ALDH3A2: variants seen among roughly 807,000 people sequenced by gnomAD.
ALDH3A2 encodes aldehyde dehydrogenase 3 family member A2, also known as aldehyde dehydrogenase family 3 member A2.
In ALDH3A2, 36 loss-of-function variants were observed where a neutral mutation model predicts 51.3. The ratio of observed to expected loss-of-function variants is 0.70; its 90% CI spans 0.54 to 0.93. The LOEUF (loss-of-function observed/expected upper bound fraction) is 0.93, where lower values mean the gene tolerates loss of function less well. ALDH3A2 is among the 40% of genes least tolerant of loss of function. The pLI, the probability that ALDH3A2 is intolerant of heterozygous loss-of-function variation, is 0.00. For missense variants in ALDH3A2, 552 were observed against 603.1 expected (o/e 0.92, Z 0.89); for synonymous variants, 199 against 219.8 (o/e 0.91, Z 0.84).
intron 6 of ALDH3A2, chr17:19,661,569 G>T (rs1194331118): frequency 3.0e-6 from 1 of 336,746 alleles, no homozygotes; most frequent in East Asian, 6.6e-5. Flanking sequence ...TCTGTAGTTT[G>T]TGGATGGGAA....
rs987639886 is a variant in ALDH3A2, at chr17:19,654,226, G to A, written c.471+1594G>A. Among the ~76,000 whole-genome samples the A allele has an allele frequency of 5.9e-5, 9 of 152,248 alleles. No individual in the cohort carries two copies. Among genetic ancestry groups the A allele is most frequent in the Non-Finnish European group, 8.8e-5 (6 of 68,038 alleles). ...ATAAAAGTTCTCTAAGTCCCCACCC[G>A]ACTCAGGAGCCCAGCTGGCTTTGCC... is the stretch of plus-strand genomic sequence containing the variant. On this transcript the variant is annotated intron_variant, in intron 3 of 9. Coordinates refer to ENST00000176643, the MANE Select transcript of ALDH3A2 (RefSeq NM_000382.3). This position sits in a 1 kb window ranked among gnomAD's most constrained non-coding sequence, Gnocchi z 4.5.
Position 19,651,721 on chromosome 17 carries a change from G to A in ALDH3A2, c.328G>A (p.Ala110Thr), listed in dbSNP as rs144287421. ...QPLGVVLIIG[A>T]WNYPFVLTIQ... ...TCTGGGAGTGGTGCTGATAATCGGA[G>A]CTTGGAATTACCCCTTCGTTCTCAC... is the stretch of plus-strand genomic sequence containing the variant. The change falls in exon 2 of 10, where the codon GCT becomes ACT. Residue 110 changes from alanine (A) to threonine (T), a missense_variant. Physicochemically the swap from Ala to Thr is moderately conservative, Grantham distance 58 (BLOSUM62 0). Coordinates refer to ENST00000176643, the MANE Select transcript of ALDH3A2 (RefSeq NM_000382.3). 2.6e-5 allele frequency: 42 copies of A among 1,614,086 alleles called. No homozygotes were observed. The highest frequency in any genetic ancestry group is 1.6e-4 in the Middle Eastern group (1 of 6,084).
chr17:19,673,320 T>A, intron 9 of ALDH3A2: 11 of 1,605,154 alleles, frequency 6.9e-6, no homozygotes, highest in Non-Finnish European at 8.5e-6. Flanking sequence ...TGGGCCAAGT[T>A]GGGGTATGTT....
intron 5 of ALDH3A2, among the ~76,000 whole-genome samples, chr17:19,658,492 A>AG (rs1032052253): frequency 8.4e-4 from 127 of 151,792 alleles, no homozygotes; most frequent in African/African-American, 2.9e-3. Context: ...TGGGGGGCCT[A>AG]GGGGGGCAGA....
rs1355353761 is a variant in ALDH3A2, at chr17:19,663,348, C to T, written c.956C>T (p.Thr319Ile). 3 of 1,613,958 alleles carry T rather than the reference C, an allele frequency of 1.9e-6. No individual in the cohort carries two copies. Among genetic ancestry groups the T allele is most frequent in the Non-Finnish European group, 1.7e-6 (2 of 1,179,994 alleles). Residue 319 changes from threonine to isoleucine, a missense_variant, in exon 7 of 10, where the codon ACC becomes ATC. By Grantham distance (89) the Thr-to-Ile change is moderately conservative. Coordinates refer to ENST00000176643, the MANE Select transcript of ALDH3A2 (RefSeq NM_000382.3). The part of the protein sequence containing the change: ...ATRYIAPTVL[T>I]DVDPKTKVMQ... ...TTCTTTTTAGCCCCAACAGTACTTA[C>T]CGATGTTGATCCTAAAACCAAGGTG... is the stretch of plus-strand genomic sequence containing the variant.
chr17:19,654,553 G>A lies in ALDH3A2; in HGVS notation c.472-1813G>A, dbSNP rs529047496. On this transcript the variant is annotated intron_variant, in intron 3 of 9. Coordinates refer to ENST00000176643, the MANE Select transcript of ALDH3A2 (RefSeq NM_000382.3). This position sits in a 1 kb window ranked among gnomAD's most constrained non-coding sequence, Gnocchi z 4.5. ...CCCGGGGCACCCTCCTCAGCAGCTG[G>A]CCCAGGTGCTAAGCCCCTCATTGCC... 6.6e-6 allele frequency among the ~76,000 whole-genome samples: 1 copy of A among 152,306 alleles called. No individual in the cohort carries two copies. Among genetic ancestry groups the A allele is most frequent in the South Asian group, 2.1e-4 (1 of 4,832 alleles).
chr17:19,663,368 A>G lies in ALDH3A2; in HGVS notation c.976A>G (p.Lys326Glu). ...TVLTDVDPKTKVMQEEIFGPI... is the reference protein window; with the variant it reads ...TVLTDVDPKTEVMQEEIFGPI... ...ACTTACCGATGTTGATCCTAAAACC[A>G]AGGTGATGCAAGAAGAAATTTTTGG... The change falls in exon 7 of 10, where the codon AAG becomes GAG. Residue 326 changes from lysine (K) to glutamate (E), a missense_variant. Lys to Glu is a moderately conservative substitution (Grantham distance 56). Transcript: ENST00000176643. The G allele has an allele frequency of 8.1e-6, 13 of 1,614,182 alleles. No homozygotes were observed. The highest frequency in any genetic ancestry group is 1.1e-5 in the Non-Finnish European group (13 of 1,180,034).
At chr17:19,674,054 A>T (rs940691906) in intron 9 of ALDH3A2, 1 of 152,174 alleles carries the variant, frequency 6.6e-6, no homozygotes, top group Non-Finnish European at 1.5e-5. Flanking sequence ...ATGTTTTTTA[A>T]ATCACTAAGT....
Position 19,651,663 on chromosome 17 carries a change from C to T in ALDH3A2, c.270C>T (p.Thr90=). ...AACCAGTTAAGAAGAACGTGCTCAC[C>T]ATGCTGGATGAGGCCTATATTCAGC... ...TAKPVKKNVL[T]MLDEAYIQPQ... The change falls in exon 2 of 10, where the codon ACC becomes ACT. Residue 90 remains threonine (T), a synonymous_variant. Coordinates refer to ENST00000176643, the MANE Select transcript of ALDH3A2 (RefSeq NM_000382.3). 6.2e-7 allele frequency: 1 copy of T among 1,614,162 alleles called. No individual in the cohort carries two copies. The highest frequency in any genetic ancestry group is 1.1e-5 in the South Asian group (1 of 91,082).
Position 19,654,113 on chromosome 17 carries a change from C to G in ALDH3A2, c.471+1481C>G, listed in dbSNP as rs1294153146. Among the ~76,000 whole-genome samples, 2 of 152,224 alleles carry G rather than the reference C, an allele frequency of 1.3e-5. No homozygotes were observed. The highest frequency in any genetic ancestry group is 2.9e-5 in the Non-Finnish European group (2 of 68,032). On this transcript the variant is annotated intron_variant, in intron 3 of 9. Coordinates refer to ENST00000176643, the MANE Select transcript of ALDH3A2 (RefSeq NM_000382.3). The surrounding 1 kb of genome is among the most constrained non-coding windows in gnomAD (Gnocchi z 4.5). The stretch of plus-strand genomic sequence containing the variant: ...GTTCTCCAAATCCCCACCAGATTAG[C>G]TAGATACAGAGTGCTGATTGGTGCA...
chr17:19,668,827 G>T (rs2085073748), intron 8 of ALDH3A2, among the ~76,000 whole-genome samples: 1 of 132,390 alleles, frequency 7.6e-6, no homozygotes, highest in Non-Finnish European at 1.6e-5. Context: ...GGAGGCGGAG[G>T]TTGCAGTGAG....
At chr17:19,650,475 G>A (rs2084800485) in intron 1 of ALDH3A2, among the ~76,000 whole-genome samples, 1 of 151,308 alleles carries the variant, frequency 6.6e-6, no homozygotes, top group African/African-American at 2.4e-5. Flanking sequence ...TTTTCTTGAG[G>A]CGGAGTCTCG....
rs894123013 is a variant in ALDH3A2 at position 19,654,189 on chromosome 17, C to T, written c.471+1557C>T. On this transcript the variant is annotated intron_variant, in intron 3 of 9. Transcript: ENST00000176643. The surrounding 1 kb of genome is among the most constrained non-coding windows in gnomAD (Gnocchi z 4.5). The stretch of plus-strand genomic sequence containing the variant: ...AGTGCTGATTGGTGCATATACAATC[C>T]TCCGGCTAGACATAAAAGTTCTCTA... Among the ~76,000 whole-genome samples the T allele has an allele frequency of 2.6e-5, 4 of 152,266 alleles. No homozygotes were observed. The highest frequency in any genetic ancestry group is 1.3e-4 in the Admixed American group (2 of 15,290).
At chr17:19,673,071 G>A in intron 9 of ALDH3A2, 1 of 1,585,752 alleles carries the variant, frequency 6.3e-7, no homozygotes, top group Non-Finnish European at 8.7e-7. Flanking sequence ...TTTGAAAGGG[G>A]TTTGGCTCAT....
chr17:19,675,921 C>A lies in ALDH3A2; in HGVS notation c.*349C>A, dbSNP rs1232084028. The A allele has an allele frequency of 8.6e-6, 3 of 348,310 alleles. No individual in the cohort carries two copies. The highest frequency in any genetic ancestry group is 6.4e-5 in the African/African-American group (3 of 47,214). 21.6% of individuals were successfully genotyped at this position (348,310 alleles called of 1,614,324 possible). The stretch of plus-strand genomic sequence containing the variant: ...CTTCACTCCAGTTAATGGCACTGCT[C>A]ACTTCCTGCCTCTGCTGCCACCATC... On this transcript the variant is annotated 3_prime_UTR_variant, in exon 10 of 10. Coordinates refer to ENST00000176643, the MANE Select transcript of ALDH3A2 (RefSeq NM_000382.3).
At position 19,661,137 on chromosome 17, in the gene ALDH3A2, G is replaced by A. The variant is rs371157031; in HGVS notation, c.809G>A (p.Gly270Glu). The A allele has an allele frequency of 4.4e-5, 71 of 1,610,384 alleles. No homozygotes were observed. The highest frequency in any genetic ancestry group is 4.8e-5 in the Non-Finnish European group (57 of 1,176,826). The change falls in exon 6 of 10, where the codon GGA becomes GAA. Residue 270 changes from glycine (G) to glutamate (E), a missense_variant. Gly to Glu is a moderately conservative substitution (Grantham distance 98). Coordinates refer to ENST00000176643, the MANE Select transcript of ALDH3A2 (RefSeq NM_000382.3). Reference sequence around the variant, plus strand: ...TGTTGTTTTAAATAGGAATTTTATGGAGAAAATATAAAAGAGTCTCCTGAT... The same window carrying A: ...TGTTGTTTTAAATAGGAATTTTATGAAGAAAATATAAAAGAGTCTCCTGAT... Reference protein sequence around the residue: ...KIKETVKEFYGENIKESPDYE... With the variant: ...KIKETVKEFYEENIKESPDYE...
rs982903693 is a variant in ALDH3A2 at position 19,654,298 on chromosome 17, A to G, written c.471+1666A>G. On this transcript the variant is annotated intron_variant, in intron 3 of 9. Coordinates refer to ENST00000176643, the MANE Select transcript of ALDH3A2 (RefSeq NM_000382.3). The surrounding 1 kb of genome is among the most constrained non-coding windows in gnomAD (Gnocchi z 4.5). ...TGTGGGTGGAGCTGCCCATCAGTCC[A>G]GCGCTGCGCGCCTGCACCCCTCAGC... Among the ~76,000 whole-genome samples, 4 of 152,252 alleles carry G rather than the reference A, an allele frequency of 2.6e-5. No individual in the cohort carries two copies. The highest frequency in any genetic ancestry group is 5.9e-5 in the Non-Finnish European group (4 of 68,038).
rs1460206471 is a variant in ALDH3A2 at position 19,651,599 on chromosome 17, A to G, written c.206A>G (p.Asp69Gly). 7 of 1,614,204 alleles carry G rather than the reference A, an allele frequency of 4.3e-6. No homozygotes were observed. Among genetic ancestry groups the G allele is most frequent in the Non-Finnish European group, 5.1e-6 (6 of 1,180,032 alleles). ...GTCATTACTGTCCTTGGGGAAATTGATTTTATGCTTGAGAATCTTCCTGAA... is the reference window on the plus strand; with the variant it reads ...GTCATTACTGTCCTTGGGGAAATTGGTTTTATGCTTGAGAATCTTCCTGAA... ...QEVITVLGEI[D>G]FMLENLPEWV... Residue 69 changes from aspartate (D) to glycine (G), a missense_variant, in exon 2 of 10, where the codon GAT (aspartate) becomes GGT (glycine). Coordinates refer to ENST00000176643, the MANE Select transcript of ALDH3A2 (RefSeq NM_000382.3).
Position 19,649,138 on chromosome 17 carries a change from C to A in ALDH3A2, c.153+14C>A. ...GACCTGTGCAAGGTACGCACGCGTG[C>A]GGCGGGGTGTGGGGAAACTGGCCCC... On this transcript the variant is annotated intron_variant, in intron 1 of 9. Coordinates refer to ENST00000176643, the MANE Select transcript of ALDH3A2 (RefSeq NM_000382.3). 1 of 1,553,650 alleles carries A rather than the reference C, an allele frequency of 6.4e-7. No homozygotes were observed. Among genetic ancestry groups the A allele is most frequent in the Non-Finnish European group, 8.7e-7 (1 of 1,146,428 alleles).
Sources: gnomAD v4.1 joint callset for allele counts (sites outside exome capture counted in the v4.1 genomes callset) on GRCh38, gnomAD v4.1.1 for gene constraint, Gnocchi (gnomAD v3.1) non-coding constraint, MANE v1.5 for transcripts, NCBI Gene and HGNC (gene_info 2026-07-23, HGNC 2026-07-21) for gene names.